KAZN: variants seen among roughly 807,000 people sequenced by gnomAD.
KAZN encodes kazrin, periplakin interacting protein.
In KAZN, 40 loss-of-function variants were observed where a neutral mutation model predicts 87.4. The ratio of observed to expected loss-of-function variants is 0.46; its 90% CI spans 0.36 to 0.60. KAZN has a LOEUF of 0.60. Ranked by LOEUF, KAZN falls within the 20% of genes least tolerant of loss-of-function variation. The pLI, the probability that KAZN is intolerant of heterozygous loss-of-function variation, is 0.00. For synonymous variants in KAZN, 466 were observed against 458.3 expected (o/e 1.02, Z -0.22); for missense variants, 898 against 1,073.9 (o/e 0.84, Z 2.29).
chr1:14,650,709 C>T (rs1178001376), intron 1 of KAZN, among the ~76,000 whole-genome samples: 3 of 152,200 alleles, frequency 2.0e-5, no homozygotes, highest in Non-Finnish European at 4.4e-5. Flanking sequence ...TTACATAAAT[C>T]TGCATTTTAT....
intron 2 of KAZN, among the ~76,000 whole-genome samples, chr1:14,190,002 C>T (rs2100355544): frequency 6.6e-6 from 1 of 152,214 alleles, no homozygotes; most frequent in Middle Eastern, 3.4e-3. Flanking sequence ...GCACAGAGAA[C>T]AGACTGTCTG....
intron 1 of KAZN, among the ~76,000 whole-genome samples, chr1:14,060,235 C>G (rs1394767405): frequency 6.6e-6 from 1 of 151,926 alleles, no homozygotes; most frequent in East Asian, 1.9e-4. Flanking sequence ...TGGCAGCATG[C>G]GCCTGTAGTC....
intron 1 of KAZN, among the ~76,000 whole-genome samples, chr1:13,975,047 T>C (rs998205837): frequency 6.6e-6 from 1 of 152,224 alleles, no homozygotes; most frequent in African/African-American, 2.4e-5. Context: ...TCACTTTCCA[T>C]GTTCTAGGCA....
chr1:14,795,462 A>G (rs1645802196), intron 1 of KAZN, among the ~76,000 whole-genome samples: 1 of 152,144 alleles, frequency 6.6e-6, no homozygotes, highest in Non-Finnish European at 1.5e-5. Flanking sequence ...GGTAGGTACT[A>G]TGTACTGTGG....
intron 1 of KAZN, among the ~76,000 whole-genome samples, chr1:14,144,463 T>A (rs576517325): frequency 1.5e-4 from 23 of 152,154 alleles, no homozygotes; most frequent in African/African-American, 4.8e-4. Context: ...TATTATTATT[T>A]TTTTTTGTAG....
chr1:14,897,812 G>C (rs1185535708), intron 1 of KAZN, among the ~76,000 whole-genome samples: 1 of 152,060 alleles, frequency 6.6e-6, no homozygotes, highest in Admixed American at 6.6e-5. Context: ...GAAGAAGCTG[G>C]GACTCACAGA....
intron 2 of KAZN, among the ~76,000 whole-genome samples, chr1:14,963,189 C>A (rs916827161): frequency 6.6e-6 from 1 of 152,130 alleles, no homozygotes; most frequent in Non-Finnish European, 1.5e-5. Context: ...ACGCAGAGAT[C>A]CACCCCTTTG....
chr1:14,915,465 T>C (rs1657704632), intron 1 of KAZN, among the ~76,000 whole-genome samples: 1 of 152,070 alleles, frequency 6.6e-6, no homozygotes, highest in Non-Finnish European at 1.5e-5. Context: ...AAAATTGCAA[T>C]GGTGAACATA....
chr1:14,275,811 T>C (rs996087319), intron 2 of KAZN, among the ~76,000 whole-genome samples: 12 of 152,316 alleles, frequency 7.9e-5, no homozygotes, highest in African/African-American at 2.9e-4. Flanking sequence ...AGAAAAGTGC[T>C]TTCCAGCCTT....
Position 14,092,604 on chromosome 1 carries a change from T to C in KAZN, c.92-87831T>C, listed in dbSNP as rs56933898. 4.1e-3 allele frequency among the ~76,000 whole-genome samples: 560 copies of C among 135,412 alleles called. 2 individuals carry two copies. The highest frequency in any genetic ancestry group is 0.013 in the African/African-American group (530 of 39,846). 88.8% of individuals were successfully genotyped at this position (135,412 alleles called of 152,430 possible). ...GTACATATATGTACATATACACACATATATACATATGTATGTACATACACA... is the reference window on the plus strand; with the variant it reads ...GTACATATATGTACATATACACACACATATACATATGTATGTACATACACA... On this transcript the variant is annotated intron_variant, in intron 1 of 16. Transcript: ENST00000636203.
intron 2 of KAZN, among the ~76,000 whole-genome samples, chr1:14,358,512 T>C (rs1441945401): frequency 1.3e-5 from 2 of 152,324 alleles, no homozygotes; most frequent in Admixed American, 6.5e-5. Flanking sequence ...TTAATTGTGA[T>C]GTTAGGGTGT....
chr1:14,082,392 T>G (rs3817947), intron 1 of KAZN, among the ~76,000 whole-genome samples: 15,145 of 152,112 alleles, frequency 0.1, 930 homozygotes, highest in East Asian at 0.13. Context: ...GGGGGAGCAA[T>G]ATTGCAAGAT....
intron 1 of KAZN, among the ~76,000 whole-genome samples, chr1:14,819,599 C>T (rs74059402): frequency 0.012 from 1,800 of 152,002 alleles, 36 homozygotes; most frequent in African/African-American, 0.041. Context: ...ACAGATTTCA[C>T]AGCCGAGACT....
chr1:14,554,758 C>T (rs1673755982), intron 2 of KAZN, among the ~76,000 whole-genome samples: 1 of 152,186 alleles, frequency 6.6e-6, no homozygotes, highest in Non-Finnish European at 1.5e-5. Context: ...ATATCTTCTC[C>T]AAATTGAGTT....
intron 1 of KAZN, among the ~76,000 whole-genome samples, chr1:14,127,257 A>G (rs961373078): frequency 6.6e-6 from 1 of 152,262 alleles, no homozygotes; most frequent in African/African-American, 2.4e-5. Flanking sequence ...TTCACAATGA[A>G]GGCTGCACAT....
At chr1:13,978,577 T>G (rs1380712396) in intron 1 of KAZN, among the ~76,000 whole-genome samples, 7 of 151,660 alleles carry the variant, frequency 4.6e-5, no homozygotes, top group African/African-American at 1.7e-4. Flanking sequence ...GGTTTAAAAG[T>G]AGATTAGACA....
intron 2 of KAZN, among the ~76,000 whole-genome samples, chr1:14,367,694 C>A (rs929238539): frequency 2.6e-5 from 4 of 152,084 alleles, no homozygotes; most frequent in Non-Finnish European, 5.9e-5. Flanking sequence ...GCCATGCCTA[C>A]CAATCAAAAG....
intron 2 of KAZN, among the ~76,000 whole-genome samples, chr1:14,217,626 A>G (rs947173586): frequency 6.6e-6 from 1 of 152,154 alleles, no homozygotes; most frequent in Non-Finnish European, 1.5e-5. Context: ...GAGGGAACAA[A>G]AAAATACCCA....
At chr1:14,269,012 C>T (rs547443662) in intron 2 of KAZN, among the ~76,000 whole-genome samples, 3 of 152,096 alleles carry the variant, frequency 2.0e-5, no homozygotes, top group Admixed American at 6.5e-5. Context: ...GATTTGCTAC[C>T]GGAGCTAACT....
Sources: gnomAD v4.1 joint callset for allele counts (sites outside exome capture counted in the v4.1 genomes callset) on GRCh38, gnomAD v4.1.1 for gene constraint, MANE v1.5 for transcripts, NCBI Gene and HGNC (gene_info 2026-07-23, HGNC 2026-07-21) for gene names.